Variants in SGIP1 observed in about 807,000 individuals in gnomAD.
SGIP1 encodes SH3GL interacting endocytic adaptor 1.
Under a neutral mutation model 107.5 loss-of-function variants are expected in SGIP1, and 38 were observed. The ratio of observed to expected loss-of-function variants is 0.35; its 90% confidence interval spans 0.27 to 0.46. The LOEUF is 0.46. Ranked by LOEUF, SGIP1 falls within the 20% of genes least tolerant of loss-of-function variation. The pLI is 1.00. For missense variants in SGIP1, 929 were observed against 1,019.5 expected (o/e 0.91, Z 1.21); for synonymous variants, 365 against 366.1 (o/e 1.00, Z 0.03).
chr1:66,579,675 C>T (rs1250045245), intron 1 of SGIP1, among the ~76,000 whole-genome samples: 1 of 152,090 alleles, frequency 6.6e-6, no homozygotes, highest in Non-Finnish European at 1.5e-5. Flanking sequence ...GCTCCTTGTA[C>T]CTATACTAAT....
chr1:66,590,278 T>C (rs1342562119), intron 1 of SGIP1, among the ~76,000 whole-genome samples: 3 of 152,200 alleles, frequency 2.0e-5, no homozygotes. Flanking sequence ...AAACACATGT[T>C]ATTTTTCTTG....
chr1:66,576,706 C>T (rs1053680597), intron 1 of SGIP1, among the ~76,000 whole-genome samples: 6 of 152,146 alleles, frequency 3.9e-5, no homozygotes, highest in Admixed American at 3.3e-4. Flanking sequence ...TCCTTCTCCT[C>T]TTCCTCTTCT....
At chr1:66,641,045 G>A (rs1040584102) in intron 5 of SGIP1, among the ~76,000 whole-genome samples, 4 of 151,982 alleles carry the variant, frequency 2.6e-5, no homozygotes, top group Non-Finnish European at 5.9e-5. Context: ...AAAAGAAAAA[G>A]AAGTCAAATA....
chr1:66,593,583 G>A (rs1215715880), intron 1 of SGIP1, among the ~76,000 whole-genome samples: 1 of 152,120 alleles, frequency 6.6e-6, no homozygotes, highest in Non-Finnish European at 1.5e-5. Context: ...GAGCTACAAG[G>A]CACAATGAAT....
At chr1:66,701,546 G>C (rs2091909224) in intron 18 of SGIP1, among the ~76,000 whole-genome samples, 1 of 152,104 alleles carries the variant, frequency 6.6e-6, no homozygotes, top group African/African-American at 2.4e-5. Flanking sequence ...AATAACTGAA[G>C]GTCACAGAGA....
chr1:66,687,194 CA>C (rs1429539652), intron 15 of SGIP1, among the ~76,000 whole-genome samples: 2 of 151,440 alleles, frequency 1.3e-5, no homozygotes, highest in Non-Finnish European at 2.9e-5. Context: ...TAGATCAATT[CA>C]AAAGACTACT....
intron 1 of SGIP1, among the ~76,000 whole-genome samples, chr1:66,564,425 G>A (rs577386828): frequency 1.3e-5 from 2 of 152,058 alleles, no homozygotes; most frequent in East Asian, 3.9e-4. Flanking sequence ...ACTGTATCCA[G>A]TAACCAGGGA....
At chr1:66,588,555 C>T (rs987760877) in intron 1 of SGIP1, among the ~76,000 whole-genome samples, 1 of 150,710 alleles carries the variant, frequency 6.6e-6, no homozygotes, top group Non-Finnish European at 1.5e-5. Flanking sequence ...TAAAATTACT[C>T]TATAGTAATT....
At chr1:66,611,036 A>G (rs561592472) in intron 1 of SGIP1, among the ~76,000 whole-genome samples, 2 of 152,184 alleles carry the variant, frequency 1.3e-5, no homozygotes, top group Non-Finnish European at 2.9e-5. Flanking sequence ...GGTACAGTGT[A>G]TACTACTCAG....
At chr1:66,708,442 A>G (rs1161674641) in intron 18 of SGIP1, among the ~76,000 whole-genome samples, 3 of 152,212 alleles carry the variant, frequency 2.0e-5, no homozygotes, top group Admixed American at 1.3e-4. Flanking sequence ...TAAGACAAAG[A>G]AAATCCTAAG....
At chr1:66,551,585 A>T (rs894535876) in intron 1 of SGIP1, among the ~76,000 whole-genome samples, 2 of 152,182 alleles carry the variant, frequency 1.3e-5, no homozygotes, top group Non-Finnish European at 2.9e-5. Context: ...TCAACTCTCA[A>T]TAACTATAAT....
intron 1 of SGIP1, among the ~76,000 whole-genome samples, chr1:66,587,599 G>A (rs567504279): frequency 3.0e-4 from 46 of 152,114 alleles, no homozygotes; most frequent in South Asian, 8.3e-4. Context: ...TTAGAATTAG[G>A]CTTATTATTG....
chr1:66,615,031 G>C (rs2068912101), intron 1 of SGIP1, among the ~76,000 whole-genome samples: 1 of 151,898 alleles, frequency 6.6e-6, no homozygotes. Context: ...ATGTTGGTCA[G>C]GCTGGTCTCG....
intron 1 of SGIP1, among the ~76,000 whole-genome samples, chr1:66,591,565 G>A (rs1488776132): frequency 6.6e-6 from 1 of 152,150 alleles, no homozygotes; most frequent in Non-Finnish European, 1.5e-5. Context: ...CCCCATTAGA[G>A]TGTGAAGGGG....
At chr1:66,626,137 C>CTTTTT (rs35959436) in intron 2 of SGIP1, 1,261 of 123,214 alleles carry the variant, frequency 0.01, 11 homozygotes, top group African/African-American at 0.023. Flanking sequence ...TTCTTTCTTT[C>CTTTTT]TTTTTTTTTT....
At chr1:66,635,403 G>A (rs2075584431) in intron 3 of SGIP1, among the ~76,000 whole-genome samples, 1 of 152,198 alleles carries the variant, frequency 6.6e-6, no homozygotes. Context: ...TCCACACATA[G>A]ACTTGGAACA....
At chr1:66,600,344 A>G (rs1039344912) in intron 1 of SGIP1, among the ~76,000 whole-genome samples, 25 of 127,746 alleles carry the variant, frequency 2.0e-4, no homozygotes, top group Non-Finnish European at 1.5e-4. Context: ...AGGGATTCAA[A>G]GGGGAACTAG....
intron 1 of SGIP1, among the ~76,000 whole-genome samples, chr1:66,551,086 G>A (rs2057333422): frequency 6.6e-6 from 1 of 152,260 alleles, no homozygotes; most frequent in East Asian, 1.9e-4. Flanking sequence ...GGCTCAGAGA[G>A]TTTATAACTC....
chr1:66,614,761 G>C (rs1298718143), intron 1 of SGIP1, among the ~76,000 whole-genome samples: 1 of 147,704 alleles, frequency 6.8e-6, no homozygotes, highest in African/African-American at 2.5e-5. Flanking sequence ...CCACATGGTA[G>C]GTTAGAATTA....
Sources: gnomAD v4.1 joint callset for allele counts (sites outside exome capture counted in the v4.1 genomes callset) on GRCh38, gnomAD v4.1.1 for gene constraint, MANE v1.5 for transcripts, NCBI Gene and HGNC (gene_info 2026-07-23, HGNC 2026-07-21) for gene names.